The following SPAG4 variants were observed in gnomAD, a reference collection of about 807,000 sequenced individuals.
SPAG4 encodes the protein sperm-associated antigen 4 protein.
A neutral mutation model predicts 53.9 loss-of-function variants in SPAG4; 54 were observed. That is an observed-to-expected ratio of 1.00 (90% CI 0.80 to 1.26). SPAG4 has a LOEUF of 1.26. SPAG4 is among the 50% of genes most tolerant of loss of function. SPAG4 has a pLI of 0.00. For synonymous variants in SPAG4, 246 were observed against 237.4 expected (o/e 1.04, Z -0.33); for missense variants, 548 against 568.6 (o/e 0.96, Z 0.37).
intron 8 of SPAG4, 44 bp from the exon 9 acceptor site, chr20:35,619,151 G>T: frequency 1.7e-6 from 1 of 591,864 alleles, no homozygotes; most frequent in South Asian, 2.6e-5. Flanking sequence ...CCCGACTCCC[G>T]GCAAGGCCTG....
chr20:35,617,367 C>G (rs940836939), intron 2 of SPAG4, 127 bp downstream of exon 2: 49 of 943,456 alleles, frequency 5.2e-5, no homozygotes, highest in Non-Finnish European at 7.6e-5. Context: ...TCATTCCTAG[C>G]CCCCATCCAA....
rs377297856 is a variant in SPAG4 at position 35,615,990 on chromosome 20, A to C, written c.-14A>C. 8.1e-6 allele frequency: 13 copies of C among 1,609,338 alleles called. No homozygotes were observed. Among genetic ancestry groups the C allele is most frequent in the Non-Finnish European group, 1.1e-5 (13 of 1,179,226 alleles). ...GCGGCTTTAGCGTCAGTGACTAGGC[A>C]GCAGGGGGTCAGGATGCGGCGAAGC... is the stretch of plus-strand genomic sequence containing the variant. On this transcript the variant is annotated 5_prime_UTR_variant, in exon 1 of 12. Transcript: ENST00000374273.
At position 35,618,075 on chromosome 20, in the gene SPAG4, C is replaced by G; in HGVS notation, c.539-12C>G. ...CCTTTTCCTTCTGAGACCCCTCCCT[C>G]TCTTTCTCCAGCATTCTGGCTGGGG... On this transcript the variant is annotated splice_polypyrimidine_tract_variant and intron_variant, in intron 4 of 11. Transcript: ENST00000374273. 1 of 1,613,154 alleles carries G rather than the reference C, an allele frequency of 6.2e-7. No homozygotes were observed. The highest frequency in any genetic ancestry group is 8.5e-7 in the Non-Finnish European group (1 of 1,179,502).
Position 35,617,174 on chromosome 20 carries a change from G to A in SPAG4, c.343G>A (p.Asp115Asn). Residue 115 changes from aspartate (D) to asparagine (N), a missense_variant, in exon 2 of 12, where the codon GAC becomes AAC. Asp to Asn is a conservative substitution (Grantham distance 23). Transcript: ENST00000374273. ...GSPVVSEEPL[D>N]LLPTLDLRQE... ...TCCAGTAGTCTCTGAGGAGCCGCTC[G>A]ACCTTCTCCCGACCCTGGATCTGAG... The A allele has an allele frequency of 1.9e-6, 3 of 1,598,226 alleles. No individual in the cohort carries two copies. The highest frequency in any genetic ancestry group is 3.5e-5 in the Admixed American group (2 of 57,914).
Position 35,616,015 on chromosome 20 carries a change from C to T in SPAG4, c.12C>T (p.Ser4=). 1.2e-6 allele frequency: 2 copies of T among 1,611,634 alleles called. No individual in the cohort carries two copies. The highest frequency in any genetic ancestry group is 1.7e-6 in the Non-Finnish European group (2 of 1,179,574). Residue 4 remains serine (S), a synonymous_variant, in exon 1 of 12, where the codon AGC becomes AGT. Transcript: ENST00000374273. Reference sequence around the variant, plus strand: ...AGCAGGGGGTCAGGATGCGGCGAAGCTCCCGCCCGGGCTCGGCCTCGTCCT... The same window carrying T: ...AGCAGGGGGTCAGGATGCGGCGAAGTTCCCGCCCGGGCTCGGCCTCGTCCT... MRR[S]SRPGSASSSR...
chr20:35,618,185 ATTGTGGGGG>A, intron 5 of SPAG4, 55 bp downstream of exon 5: 1 of 1,553,428 alleles, frequency 6.4e-7, no homozygotes, highest in Non-Finnish European at 8.8e-7. Context: ...GAACCCGGAG[ATTGTGGGGG>A]TCCCCTGGAC....
At chr20:35,620,634 C>CCG (rs1555875273) in intron 10 of SPAG4, 50 bp from the exon 11 acceptor site, 2 of 580,320 alleles carry the variant, frequency 3.4e-6, no homozygotes, top group African/African-American at 1.9e-5. Context: ...CCGCCCCCCC[C>CCG]GCCCCACCTG....
rs1190364304 is a variant in SPAG4, at chr20:35,619,619, A to G, written c.950A>G (p.Asp317Gly). Residue 317 changes from aspartate (D) to glycine (G), a missense_variant, in exon 10 of 12, where the codon GAC becomes GGC. Transcript: ENST00000374273. The stretch of plus-strand genomic sequence containing the variant: ...GGGAATTGCTGGGCTTTTGAAGGCG[A>G]CCAAGGCCAGGTGGTGATCCAACTG... Reference protein sequence around the residue: ...FPGNCWAFEGDQGQVVIQLPG... With the variant: ...FPGNCWAFEGGQGQVVIQLPG... 1.2e-6 allele frequency: 2 copies of G among 1,613,902 alleles called. No individual in the cohort carries two copies. Among genetic ancestry groups the G allele is most frequent in the African/African-American group, 1.3e-5 (1 of 74,920 alleles).
chr20:35,617,063 C>G (rs2083205606), intron 1 of SPAG4, 73 bp from the exon 2 acceptor site: 1 of 986,206 alleles, frequency 1.0e-6, no homozygotes, highest in South Asian at 1.4e-5. Context: ...ACTGAGCAAT[C>G]TGCGGCCCGG....
At position 35,619,147 on chromosome 20, in the gene SPAG4, TC is replaced by T; in HGVS notation, c.794-45del. The T allele has an allele frequency of 1.2e-5, 6 of 481,076 alleles. No homozygotes were observed. In the South Asian group the frequency reaches 2.6e-4, roughly 21 times the overall value. 29.8% of individuals were successfully genotyped at this position (481,076 alleles called of 1,614,324 possible). A position where few individuals can be genotyped will look rare whatever the true frequency, so the allele number is the denominator to read the frequency against. On this transcript the variant is annotated intron_variant, in intron 8 of 11. Coordinates refer to ENST00000374273, the MANE Select transcript of SPAG4 (RefSeq NM_003116.3). ...AGCCCCCGCGCCCCCGCGCCCCGAC[TC>T]CCGGCAAGGCCTGGGAGCCTCTGAG...
Position 35,616,042 on chromosome 20 carries a change from G to A in SPAG4, c.39G>A (p.Ser13=), listed in dbSNP as rs1442921541. The change falls in exon 1 of 12, where the codon TCG becomes TCA. Residue 13 remains serine (S), a synonymous_variant. Transcript: ENST00000374273. ...RSSRPGSASS[S]RKHTPNFFSE... ...CCCGCCCGGGCTCGGCCTCGTCCTC[G>A]CGCAAGCACACGCCCAACTTTTTCA... The A allele has an allele frequency of 6.2e-7, 1 of 1,612,518 alleles. No individual in the cohort carries two copies.
chr20:35,618,274 C>T (rs2031454323), intron 5 of SPAG4, 144 bp downstream of exon 5: 2 of 1,098,936 alleles, frequency 1.8e-6, no homozygotes, highest in Non-Finnish European at 2.6e-6. Context: ...TATAAACAGA[C>T]TTATGAGGGA....
chr20:35,619,413 G>A, intron 9 of SPAG4, 103 bp downstream of exon 9: 4 of 1,401,126 alleles, frequency 2.9e-6, no homozygotes, highest in Non-Finnish European at 4.0e-6. Flanking sequence ...AGGGCGTGGA[G>A]GATGGCGTTT....
At position 35,616,312 on chromosome 20, in the gene SPAG4, G is replaced by T; in HGVS notation, c.304+5G>T. The T allele has an allele frequency of 6.8e-7, 1 of 1,466,298 alleles. No homozygotes were observed. The highest frequency in any genetic ancestry group is 2.4e-5 in the East Asian group (1 of 41,156). The allele number at this position is 1,466,298 out of a possible 1,614,324, so 90.8% of individuals were successfully genotyped here. On this transcript the variant is annotated splice_donor_5th_base_variant and intron_variant, in intron 1 of 11. Coordinates refer to ENST00000374273, the MANE Select transcript of SPAG4 (RefSeq NM_003116.3). ...CCGTGAGGGGCGGGGCCTCGGGTGC[G>T]GGCGGGGTCGACCCCGGGTGAGCCA...
At position 35,618,640 on chromosome 20, in the gene SPAG4, G is replaced by A. The variant is rs756067886; in HGVS notation, c.637G>A (p.Gly213Arg). 7 of 1,599,972 alleles carry A rather than the reference G, an allele frequency of 4.4e-6. No homozygotes were observed. The highest frequency in any genetic ancestry group is 1.1e-5 in the South Asian group (1 of 89,406). Residue 213 changes from glycine to arginine, a missense_variant, in exon 7 of 12, where the codon GGG becomes AGG. Physicochemically the swap from Gly to Arg is moderately radical, Grantham distance 125 (BLOSUM62 -2). Transcript: ENST00000374273. ...SEYHERVRSQ[G>R]QQLQQLQAEL... is the part of the protein sequence containing the mutation. ...GTACCACGAGCGCGTGCGCTCCCAGGGGCAGCAGCTGCAGCAGCTCCAGGC... is the reference window on the plus strand; with the variant it reads ...GTACCACGAGCGCGTGCGCTCCCAGAGGCAGCAGCTGCAGCAGCTCCAGGC...
At chr20:35,620,628 C>CA in intron 10 of SPAG4, 56 bp from the exon 11 acceptor site, 1 of 472,968 alleles carries the variant, frequency 2.1e-6, no homozygotes, top group South Asian at 2.0e-5. Flanking sequence ...TTCTCCCCGC[C>CA]CCCCCCGCCC....
chr20:35,615,941 C>T lies in SPAG4; in HGVS notation c.-63C>T. 9 of 1,554,244 alleles carry T rather than the reference C, an allele frequency of 5.8e-6. No homozygotes were observed. Among genetic ancestry groups the T allele is most frequent in the Non-Finnish European group, 7.0e-6 (8 of 1,143,290 alleles). On this transcript the variant is annotated 5_prime_UTR_variant, in exon 1 of 12. Transcript: ENST00000374273. ...GCGGCGCGCAGCGGCTGAAGGAGGCCCCAGGGCCTTGGCGACCGCAGCGGC... is the reference window on the plus strand; with the variant it reads ...GCGGCGCGCAGCGGCTGAAGGAGGCTCCAGGGCCTTGGCGACCGCAGCGGC...
Position 35,620,900 on chromosome 20 carries a change from A to G in SPAG4, c.1192A>G (p.Lys398Glu). The change falls in exon 12 of 12, where the codon AAG becomes GAG. Residue 398 changes from lysine to glutamate, a missense_variant. By Grantham distance (56) the Lys-to-Glu change is moderately conservative. Coordinates refer to ENST00000374273, the MANE Select transcript of SPAG4 (RefSeq NM_003116.3). ...GAATGACCCCCCAGCTGCCTTTCCC[A>G]AGGTGAAGATCCAGATTCTAAGCAA... ...LQNDPPAAFP[K>E]VKIQILSNWG... 1.2e-6 allele frequency: 2 copies of G among 1,614,154 alleles called. No homozygotes were observed. The highest frequency in any genetic ancestry group is 1.7e-6 in the Non-Finnish European group (2 of 1,180,014).
At position 35,618,672 on chromosome 20, in the gene SPAG4, G is replaced by T; in HGVS notation, c.669G>T (p.Leu223=). ...AGCTGCAGCAGCTCCAGGCCGAGCTGGATAAACTCCACAAGGAGGTGTCCA... is the reference window on the plus strand; with the variant it reads ...AGCTGCAGCAGCTCCAGGCCGAGCTTGATAAACTCCACAAGGAGGTGTCCA... ...GQQLQQLQAE[L]DKLHKEVSTV... Residue 223 remains leucine (L), a synonymous_variant, in exon 7 of 12, where the codon CTG becomes CTT. Transcript: ENST00000374273. 1 of 1,595,402 alleles carries T rather than the reference G, an allele frequency of 6.3e-7. No individual in the cohort carries two copies. Among genetic ancestry groups the T allele is most frequent in the East Asian group, 2.3e-5 (1 of 44,268 alleles).
Sources: allele counts gnomAD v4.1 joint callset, GRCh38; gene constraint gnomAD v4.1.1; transcripts MANE v1.5; gene names NCBI Gene and HGNC (gene_info 2026-07-23, HGNC 2026-07-21).